RTN4RL1: variants seen among roughly 807,000 people sequenced by gnomAD.
RTN4RL1 encodes reticulon 4 receptor like 1.
A neutral mutation model predicts 25.6 loss-of-function variants in RTN4RL1; 7 were observed. The ratio of observed to expected loss-of-function variants is 0.27; its 90% CI spans 0.16 to 0.51. The LOEUF (loss-of-function observed/expected upper bound fraction) is 0.51, where lower values mean the gene tolerates loss of function less well. Among genes scored for constraint, RTN4RL1 ranks in the 20% least tolerant of loss-of-function variants. The pLI is 0.97. For synonymous variants in RTN4RL1, 297 were observed against 288.2 expected (o/e 1.03, Z -0.31); for missense variants, 500 against 615.6 (o/e 0.81, Z 1.99).
intron 1 of RTN4RL1, among the ~76,000 whole-genome samples, chr17:1,975,651 AAAAAAG>A (rs1400639730): frequency 3.9e-5 from 6 of 152,118 alleles, no homozygotes; most frequent in Non-Finnish European, 7.4e-5. Flanking sequence ...ACTTTGACTC[AAAAAAG>A]AAAAAGAAAG....
intron 1 of RTN4RL1, among the ~76,000 whole-genome samples, chr17:1,964,196 C>T (rs2066778677): frequency 6.6e-6 from 1 of 152,150 alleles, no homozygotes; most frequent in East Asian, 1.9e-4. Context: ...ACTTCAAAGA[C>T]TTAGTAAGAA....
intron 1 of RTN4RL1, among the ~76,000 whole-genome samples, chr17:2,001,748 C>G (rs2066958805): frequency 1.3e-5 from 2 of 152,316 alleles, no homozygotes; most frequent in South Asian, 4.1e-4. Flanking sequence ...TGTTCTCGAG[C>G]AGCCCCTCCT....
At chr17:1,996,212 C>G (rs988835936) in intron 1 of RTN4RL1, among the ~76,000 whole-genome samples, 1 of 152,240 alleles carries the variant, frequency 6.6e-6, no homozygotes, top group Non-Finnish European at 1.5e-5. Flanking sequence ...GAATCTGTCT[C>G]ATTGAACCCA....
intron 1 of RTN4RL1, among the ~76,000 whole-genome samples, chr17:1,950,703 C>T (rs112969255): frequency 0.086 from 13,081 of 151,544 alleles, 803 homozygotes; most frequent in African/African-American, 0.15. Flanking sequence ...AAAAATTAGA[C>T]GGGTGTGGTG....
At chr17:1,997,751 G>T (rs1251723693) in intron 1 of RTN4RL1, among the ~76,000 whole-genome samples, 2 of 152,172 alleles carry the variant, frequency 1.3e-5, no homozygotes, top group Non-Finnish European at 2.9e-5. Flanking sequence ...CCAAGCCCCT[G>T]CTGGCTTTAA....
chr17:1,995,299 G>GCCT (rs1259862733), intron 1 of RTN4RL1, among the ~76,000 whole-genome samples: 1 of 152,064 alleles, frequency 6.6e-6, no homozygotes, highest in Non-Finnish European at 1.5e-5. Context: ...GGTGGTAGGT[G>GCCT]CCTGTAACCC....
intron 1 of RTN4RL1, among the ~76,000 whole-genome samples, chr17:2,014,675 T>C (rs977580869): frequency 2.6e-5 from 4 of 151,840 alleles, no homozygotes; most frequent in African/African-American, 4.8e-5. Flanking sequence ...CTACTAAAAA[T>C]ACAAAAATTA....
chr17:2,014,425 A>G (rs1163321163), intron 1 of RTN4RL1, among the ~76,000 whole-genome samples: 1 of 152,140 alleles, frequency 6.6e-6, no homozygotes. Context: ...GCATGGAGGG[A>G]CCTTCCCCAG....
intron 1 of RTN4RL1, among the ~76,000 whole-genome samples, chr17:2,007,337 AACACACACACACACAC>A (rs34669886): frequency 1.4e-5 from 2 of 140,306 alleles, no homozygotes; most frequent in African/African-American, 2.7e-5. Context: ...TCACAGCCCC[AACACACACACACACAC>A]ACACACACAC....
chr17:1,959,667 C>T (rs118027517), intron 1 of RTN4RL1, among the ~76,000 whole-genome samples: 4,512 of 152,238 alleles, frequency 0.03, 82 homozygotes, highest in Non-Finnish European at 0.038. Context: ...CATGTTCAAA[C>T]GATTCTCACA....
chr17:1,965,551 C>T (rs2066786914), intron 1 of RTN4RL1, among the ~76,000 whole-genome samples: 1 of 152,168 alleles, frequency 6.6e-6, no homozygotes, highest in African/African-American at 2.4e-5. Context: ...GGGTGGGAAG[C>T]AGCAGGAAGC....
chr17:2,013,913 C>T lies in RTN4RL1; in HGVS notation c.13+10940G>A, dbSNP rs117654002. Among the ~76,000 whole-genome samples, 741 of 146,366 alleles carry T rather than the reference C, an allele frequency of 5.1e-3. 11 individuals are homozygous for T. The highest frequency in any genetic ancestry group is 0.011 in the Middle Eastern group (3 of 274). On this transcript the variant is annotated intron_variant, in intron 1 of 1. Coordinates refer to ENST00000331238, the MANE Select transcript of RTN4RL1 (RefSeq NM_178568.4). The stretch of plus-strand genomic sequence containing the variant: ...TTGAGGTGCGGGTTCTAGACTGCAT[C>T]CCAAAGCTGTGCAGCAGGGTTAAGC...
At chr17:1,976,261 G>C (rs925610344) in intron 1 of RTN4RL1, among the ~76,000 whole-genome samples, 5 of 152,188 alleles carry the variant, frequency 3.3e-5, no homozygotes, top group African/African-American at 1.2e-4. Flanking sequence ...CTGGCCCCAG[G>C]GGTCTTCACT....
At chr17:2,003,468 G>C (rs2066972460) in intron 1 of RTN4RL1, 1 of 152,250 alleles carries the variant, frequency 6.6e-6, no homozygotes, top group East Asian at 1.9e-4. Context: ...AGTGATGCAG[G>C]AGGAACAGCA....
rs1421205999 is a variant in RTN4RL1, at chr17:1,969,770, G to A, written c.14-31962C>T. ...ATGTGTAACAAACCACTCTGAACAC[G>A]AGGGCTTAAAACAAAACCATTTCTT... On this transcript the variant is annotated intron_variant, in intron 1 of 1. Transcript: ENST00000331238. 4.6e-5 allele frequency among the ~76,000 whole-genome samples: 7 copies of A among 152,244 alleles called. No individual in the cohort carries two copies. In the East Asian group the frequency reaches 7.7e-4, roughly 17 times the overall value.
chr17:1,964,110 G>T (rs555105606), intron 1 of RTN4RL1, among the ~76,000 whole-genome samples: 3 of 152,164 alleles, frequency 2.0e-5, no homozygotes, highest in Admixed American at 6.5e-5. Context: ...TCAAGCCTCC[G>T]GAACAGTCTG....
intron 1 of RTN4RL1, among the ~76,000 whole-genome samples, chr17:1,980,230 A>ATTT (rs34130716): frequency 2.4e-5 from 3 of 126,392 alleles, no homozygotes; most frequent in Non-Finnish European, 3.2e-5. Context: ...CGCTCAGCTA[A>ATTT]TTTTTTTTTT....
At chr17:2,005,430 C>A (rs919154442) in intron 1 of RTN4RL1, among the ~76,000 whole-genome samples, 1 of 152,254 alleles carries the variant, frequency 6.6e-6, no homozygotes, top group African/African-American at 2.4e-5. Context: ...AGATTTCAAC[C>A]TGGCTCTGGT....
At chr17:2,013,955 G>A (rs555935032) in intron 1 of RTN4RL1, among the ~76,000 whole-genome samples, 13 of 152,228 alleles carry the variant, frequency 8.5e-5, no homozygotes, top group South Asian at 2.1e-4. Context: ...ACCCACAGTG[G>A]TAATTACTTG....
Sources: allele counts gnomAD v4.1 joint callset (sites outside exome capture counted in the v4.1 genomes callset), GRCh38; gene constraint gnomAD v4.1.1; transcripts MANE v1.5; gene names NCBI Gene and HGNC (gene_info 2026-07-23, HGNC 2026-07-21).